Variants in MED1 observed in about 807,000 individuals in gnomAD.
MED1 encodes mediator complex subunit 1.
Under a neutral mutation model 121.3 loss-of-function variants are expected in MED1, and 17 were observed. The ratio of observed to expected loss-of-function variants is 0.14; its 90% CI spans 0.10 to 0.21. The LOEUF (loss-of-function observed/expected upper bound fraction) is 0.21, where lower values mean the gene tolerates loss of function less well. Ranked by LOEUF, MED1 falls within the 10% of genes least tolerant of loss-of-function variation. The pLI is 1.00. For synonymous variants in MED1, 661 were observed against 694.4 expected (o/e 0.95, Z 0.76); for missense variants, 1,558 against 1,919.4 (o/e 0.81, Z 3.52).
rs971423015 is a variant in MED1 at position 39,409,657 on chromosome 17, G to A, written c.2564C>T (p.Thr855Ile). ...TACTCCATCATGAAAAAAATGATTG[G>A]TAGGAGAGTCACTACTGGGGCTTCC... ...AAGSPSSDSP[T>I]NHFFHDGVDF... Residue 855 changes from threonine to isoleucine, a missense_variant, in exon 17 of 17, where the codon ACC (threonine) becomes ATC (isoleucine). Around this residue, in one of 5 missense-constraint regions of MED1, gnomAD observed 793 missense variants for 898.2 expected, o/e 0.88. Coordinates refer to ENST00000300651, the MANE Select transcript of MED1 (RefSeq NM_004774.4). 2 of 1,614,088 alleles carry A rather than the reference G, an allele frequency of 1.2e-6. No homozygotes were observed. The highest frequency in any genetic ancestry group is 2.7e-5 in the African/African-American group (2 of 75,012).
In MED1 at chr17:39,443,652, G is replaced by A. The variant is rs772178894; in HGVS notation, c.133-24C>T. On this transcript the variant is annotated intron_variant, in intron 2 of 16. Transcript: ENST00000300651. ...TCCTGTGTCAAGTGGGAAAACATTT[G>A]AGGTGAAAATTAACCAGGCCAACAG... The A allele has an allele frequency of 5.0e-6, 8 of 1,596,362 alleles. No homozygotes were observed. In the African/African-American group the frequency reaches 1.1e-4, roughly 21 times the overall value.
rs796747731 is a variant in MED1, at chr17:39,422,476, T to G, written c.1095+851A>C. ...AACACCACGCCCAGCCTCGTTTTTTTTTTTTTTTTTTTTTTTTGAGACGGA... is the reference window on the plus strand; with the variant it reads ...AACACCACGCCCAGCCTCGTTTTTTGTTTTTTTTTTTTTTTTTGAGACGGA... On this transcript the variant is annotated intron_variant, in intron 13 of 16. Coordinates refer to ENST00000300651, the MANE Select transcript of MED1 (RefSeq NM_004774.4). 7.8e-4 allele frequency among the ~76,000 whole-genome samples: 112 copies of G among 143,108 alleles called. 2 individuals are homozygous for G. Among genetic ancestry groups the G allele is most frequent in the African/African-American group, 2.8e-3 (108 of 38,042 alleles). The allele number at this position is 143,108 out of a possible 152,430, so 93.9% of individuals were successfully genotyped here. A position where few individuals can be genotyped will look rare whatever the true frequency, so the allele number is the denominator to read the frequency against.
intron 14 of MED1, among the ~76,000 whole-genome samples, chr17:39,416,275 T>C (rs2048408516): frequency 6.6e-6 from 1 of 152,240 alleles, no homozygotes; most frequent in African/African-American, 2.4e-5. Flanking sequence ...TGTCTCATTC[T>C]ACTTGATAAG....
At position 39,410,071 on chromosome 17, in the gene MED1, A is replaced by G. The variant is rs765797662; in HGVS notation, c.2150T>C (p.Val717Ala). 5.6e-6 allele frequency: 9 copies of G among 1,613,960 alleles called. No homozygotes were observed. The East Asian group carries it at 2.0e-4, about 36-fold the overall frequency. ...DFQRELFSMD[V>A]DSQNPIFDVN... ...ATCAAAGATAGGGTTCTGTGAGTCA[A>G]CATCCATTGAAAATAGCTCCCTCTG... Residue 717 changes from valine to alanine, a missense_variant, in exon 17 of 17, where the codon GTT becomes GCT. Val to Ala is a moderately conservative substitution (Grantham distance 64, BLOSUM62 0). Around this residue, in one of 5 missense-constraint regions of MED1, gnomAD observed 793 missense variants for 898.2 expected, o/e 0.88. Coordinates refer to ENST00000300651, the MANE Select transcript of MED1 (RefSeq NM_004774.4).
intron 6 of MED1, among the ~76,000 whole-genome samples, chr17:39,434,950 G>A (rs2048604272): frequency 6.6e-6 from 1 of 152,110 alleles, no homozygotes; most frequent in Non-Finnish European, 1.5e-5. Flanking sequence ...TGGATCATGA[G>A]GTTAGGAGAT....
At chr17:39,430,565 C>T (rs1291698593) in intron 9 of MED1, among the ~76,000 whole-genome samples, 7 of 150,618 alleles carry the variant, frequency 4.6e-5, no homozygotes, top group Admixed American at 3.3e-4. Context: ...TGGTGGCGGG[C>T]GCCTGTAGTC....
At chr17:39,448,811 A>C (rs2048754386) in intron 1 of MED1, among the ~76,000 whole-genome samples, 1 of 152,096 alleles carries the variant, frequency 6.6e-6, no homozygotes, top group African/African-American at 2.4e-5. Context: ...CGGAAGGCTG[A>C]GGCAGGAGAA....
intron 16 of MED1, among the ~76,000 whole-genome samples, chr17:39,411,836 T>TA (rs1172852103): frequency 1.3e-5 from 2 of 151,142 alleles, no homozygotes; most frequent in African/African-American, 2.4e-5. Context: ...CCATCTCTAC[T>TA]AAAAAAAAGA....
intron 10 of MED1, among the ~76,000 whole-genome samples, chr17:39,425,222 C>G (rs1478104401): frequency 1.3e-5 from 2 of 151,964 alleles, no homozygotes; most frequent in Non-Finnish European, 2.9e-5. Flanking sequence ...GAGGCAGAGT[C>G]TCACTCTGTC....
intron 14 of MED1, among the ~76,000 whole-genome samples, chr17:39,418,824 G>C (rs1426929957): frequency 7.0e-6 from 1 of 142,842 alleles, no homozygotes; most frequent in African/African-American, 2.6e-5. Context: ...GTCTCATTCT[G>C]TCACCCACAC....
intron 2 of MED1, 116 bp downstream of exon 2, chr17:39,447,682 C>A: frequency 3.0e-6 from 2 of 664,824 alleles, no homozygotes; most frequent in South Asian, 4.7e-5. Flanking sequence ...AAGTTGAAAC[C>A]ACCATGTATT....
intron 2 of MED1, among the ~76,000 whole-genome samples, chr17:39,447,066 C>T (rs2048734804): frequency 6.6e-6 from 1 of 152,058 alleles, no homozygotes. Context: ...GATTTCACAC[C>T]TGACCTCACA....
Position 39,415,308 on chromosome 17 carries a change from A to C in MED1, c.1329T>G (p.Cys443Trp). The change falls in exon 15 of 17, where the codon TGT (cysteine) becomes TGG (tryptophan). Residue 443 changes from cysteine (C) to tryptophan (W), a missense_variant. Transcript: ENST00000300651. Reference protein sequence around the residue: ...DSPGLLQFEVCPLSESRFSVS... With the variant: ...DSPGLLQFEVWPLSESRFSVS... ...CGCTGAAACGAGACTCTGAGAGAGG[A>C]CACACTTCAAATTGGAGAAGCCCAG... The C allele has an allele frequency of 6.2e-7, 1 of 1,613,538 alleles. No individual in the cohort carries two copies. Among genetic ancestry groups the C allele is most frequent in the Non-Finnish European group, 8.5e-7 (1 of 1,179,570 alleles).
intron 10 of MED1, among the ~76,000 whole-genome samples, chr17:39,426,089 A>C (rs2048512783): frequency 6.6e-6 from 1 of 151,696 alleles, no homozygotes; most frequent in South Asian, 2.1e-4. Context: ...GCTGTGATCA[A>C]ATCACTGTAC....
At position 39,451,099 on chromosome 17, in the gene MED1, G is replaced by C; in HGVS notation, c.-37C>G. 1 of 1,606,780 alleles carries C rather than the reference G, an allele frequency of 6.2e-7. No individual in the cohort carries two copies. Among genetic ancestry groups the C allele is most frequent in the Non-Finnish European group, 8.5e-7 (1 of 1,176,734 alleles). Reference sequence around the variant, plus strand: ...GGAGAAGCTAGATCCGCCACAAAAGGATAAGCCCTTCCCCACCACTAACGG... The same window carrying C: ...GGAGAAGCTAGATCCGCCACAAAAGCATAAGCCCTTCCCCACCACTAACGG... On this transcript the variant is annotated 5_prime_UTR_variant, in exon 1 of 17. In the 5' UTR this introduces an upstream ATG that the reference lacks. Coordinates refer to ENST00000300651, the MANE Select transcript of MED1 (RefSeq NM_004774.4).
At position 39,440,502 on chromosome 17, in the gene MED1, T is replaced by C. The variant is rs2048665311; in HGVS notation, c.283A>G (p.Ser95Gly). ...ATGTAACATTCAGTGCCACTGGCAC[T>C]GAGATGAGAGCCCAGTCTAGCAGGA... The part of the protein sequence containing the change: ...ARQNGLGSHL[S>G]ASGTECYITS... Residue 95 changes from serine (S) to glycine (G), a missense_variant, in exon 5 of 17, where the codon AGT (serine) becomes GGT (glycine). This residue lies in a region of MED1 where 443 missense variants were observed against 532.4 expected (regional missense o/e 0.83). Coordinates refer to ENST00000300651, the MANE Select transcript of MED1 (RefSeq NM_004774.4). This position sits in a 1 kb window ranked among gnomAD's most constrained non-coding sequence, Gnocchi z 4.1. 6.2e-7 allele frequency: 1 copy of C among 1,610,254 alleles called. No individual in the cohort carries two copies. Among genetic ancestry groups the C allele is most frequent in the East Asian group, 2.2e-5 (1 of 44,866 alleles).
intron 10 of MED1, among the ~76,000 whole-genome samples, chr17:39,425,632 T>C (rs2048507696): frequency 6.6e-6 from 1 of 151,874 alleles, no homozygotes; most frequent in Admixed American, 6.6e-5. Context: ...TGAAACCGCA[T>C]CTCTACTAAA....
At chr17:39,439,561 T>A (rs1247064205) in intron 5 of MED1, among the ~76,000 whole-genome samples, 1 of 152,224 alleles carries the variant, frequency 6.6e-6, no homozygotes, top group Non-Finnish European at 1.5e-5. Flanking sequence ...TATAATCTCT[T>A]TGAAGGTAGT....
rs1373384636 is a variant in MED1, at chr17:39,427,725, G to C, written c.715C>G (p.Pro239Ala). 1.2e-6 allele frequency: 2 copies of C among 1,601,800 alleles called. No homozygotes were observed. Among genetic ancestry groups the C allele is most frequent in the Non-Finnish European group, 1.7e-6 (2 of 1,169,280 alleles). Residue 239 changes from proline to alanine, a missense_variant, in exon 10 of 17, where the codon CCC (proline) becomes GCC (alanine). This residue lies in a region of MED1 where 443 missense variants were observed against 532.4 expected (regional missense o/e 0.83). Coordinates refer to ENST00000300651, the MANE Select transcript of MED1 (RefSeq NM_004774.4). ...SDLLDDKTAS[P>A]IILHENNVSR... is the part of the protein sequence containing the mutation. Reference sequence around the variant, plus strand: ...CCATTATTCTCATGCAAAATGATGGGAGATGCAGTCTTGTCATCCAGTAGG... The same window carrying C: ...CCATTATTCTCATGCAAAATGATGGCAGATGCAGTCTTGTCATCCAGTAGG...
Sources: allele counts gnomAD v4.1 joint callset (sites outside exome capture counted in the v4.1 genomes callset), GRCh38; gene constraint gnomAD v4.1.1; regional missense constraint gnomAD v4.1.1; non-coding constraint Gnocchi (gnomAD v3.1); transcripts MANE v1.5; gene names NCBI Gene and HGNC (gene_info 2026-07-23, HGNC 2026-07-21).